The following COL15A1 variants were observed in gnomAD, a reference collection of about 807,000 sequenced individuals.
COL15A1 encodes collagen alpha-1(XV) chain.
Under a neutral mutation model 165.9 loss-of-function variants are expected in COL15A1, and 111 were observed. The ratio of observed to expected loss-of-function variants is 0.67; its 90% CI spans 0.57 to 0.78. The LOEUF (loss-of-function observed/expected upper bound fraction) is 0.78, where lower values mean the gene tolerates loss of function less well. Among genes scored for constraint, COL15A1 ranks in the 30% least tolerant of loss-of-function variants. COL15A1 has a pLI of 0.00. For missense variants in COL15A1, 1,745 were observed against 1,789.7 expected (o/e 0.98, Z 0.45); for synonymous variants, 659 against 674.8 (o/e 0.98, Z 0.36).
chr9:98,987,415 C>A, intron 4 of COL15A1, 47 bp downstream of exon 4: 2 of 1,547,414 alleles, frequency 1.3e-6, no homozygotes, highest in Non-Finnish European at 1.8e-6. Context: ...CCCCAGCAGC[C>A]GCAGCCTGGG....
At chr9:99,003,736 C>A in intron 8 of COL15A1, 149 bp downstream of exon 8, 1 of 832,524 alleles carries the variant, frequency 1.2e-6, no homozygotes. Flanking sequence ...CACTAAATAG[C>A]ATTGACCCAT....
intron 35 of COL15A1, among the ~76,000 whole-genome samples, chr9:99,059,568 G>T (rs1054738345): frequency 1.3e-5 from 2 of 152,204 alleles, no homozygotes; most frequent in African/African-American, 4.8e-5. Context: ...GGACATTTTT[G>T]AATGCAAGTG....
chr9:99,052,401 A>G lies in COL15A1; in HGVS notation c.2918A>G (p.His973Arg), dbSNP rs1456905328. Residue 973 changes from histidine to arginine, a missense_variant, in exon 31 of 42, where the codon CAT (histidine) becomes CGT (arginine). Transcript: ENST00000375001. Reference protein sequence around the residue: ...PHCKMPVDTAHPGSPELITFH... With the variant: ...PHCKMPVDTARPGSPELITFH... ...CTCTCTTTCCAGGTTGATACTGCTC[A>G]TCCTGGGAGTCCAGAGCTCATCACT... The G allele has an allele frequency of 1.2e-6, 2 of 1,612,534 alleles. No homozygotes were observed. Among genetic ancestry groups the G allele is most frequent in the Admixed American group, 3.3e-5 (2 of 59,998 alleles).
intron 2 of COL15A1, among the ~76,000 whole-genome samples, chr9:98,959,713 C>G (rs1837837160): frequency 1.3e-5 from 2 of 152,236 alleles, no homozygotes; most frequent in African/African-American, 4.8e-5. Context: ...TGGGTTGCTA[C>G]AGCAGCTCCC....
At chr9:98,966,733 A>C (rs1837963763) in intron 2 of COL15A1, among the ~76,000 whole-genome samples, 1 of 145,928 alleles carries the variant, frequency 6.9e-6, no homozygotes, top group Admixed American at 6.8e-5. Context: ...CCTCCTGCTT[A>C]GGGAGAGGGG....
chr9:99,036,529 A>G, intron 21 of COL15A1, 133 bp downstream of exon 21: 1 of 755,412 alleles, frequency 1.3e-6, no homozygotes, highest in Non-Finnish European at 2.1e-6. Flanking sequence ...TAGAACTTCC[A>G]CCTGCCAGCA....
chr9:99,021,960 C>T, intron 12 of COL15A1, 131 bp from the exon 13 acceptor site: 1 of 1,268,836 alleles, frequency 7.9e-7, no homozygotes, highest in Non-Finnish European at 1.1e-6. Context: ...TAAGCTGTCT[C>T]TGCAAAGGAC....
intron 9 of COL15A1, among the ~76,000 whole-genome samples, chr9:99,006,531 G>A (rs1838765469): frequency 6.6e-6 from 1 of 152,228 alleles, no homozygotes; most frequent in Non-Finnish European, 1.5e-5. Flanking sequence ...AGTGTGGCTG[G>A]GGGTGGAGGT....
chr9:99,044,917 G>A lies in COL15A1; in HGVS notation c.2679+147G>A, dbSNP rs2119085240. The stretch of plus-strand genomic sequence containing the variant: ...AATGTGCATATACTAGGGTAAGGCT[G>A]ACTACAATTAAATAAACTTTTCAGT... On this transcript the variant is annotated intron_variant, in intron 26 of 41. Transcript: ENST00000375001. 4 of 732,760 alleles carry A rather than the reference G, an allele frequency of 5.5e-6. No homozygotes were observed. The East Asian group carries it at 1.1e-4, about 20-fold the overall frequency. The allele number at this position is 732,760 out of a possible 1,614,324, so 45.4% of individuals were successfully genotyped here. A position where few individuals can be genotyped will look rare whatever the true frequency, so the allele number is the denominator to read the frequency against.
At chr9:99,042,969 G>A (rs975751070) in intron 24 of COL15A1, among the ~76,000 whole-genome samples, 48 of 152,262 alleles carry the variant, frequency 3.2e-4, no homozygotes, top group African/African-American at 1.1e-3. Context: ...TGTGCTAGGC[G>A]TAGGGATATA....
chr9:99,018,279 T>A (rs1449740296), intron 11 of COL15A1, among the ~76,000 whole-genome samples: 1 of 152,236 alleles, frequency 6.6e-6, no homozygotes, highest in Non-Finnish European at 1.5e-5. Flanking sequence ...AATCTCTAAT[T>A]GTCTCCCGCC....
In COL15A1 at chr9:98,985,684, A is replaced by C; in HGVS notation, c.220A>C (p.Asn74His). The C allele has an allele frequency of 3.1e-6, 5 of 1,614,206 alleles. No homozygotes were observed. Among genetic ancestry groups the C allele is most frequent in the Non-Finnish European group, 4.2e-6 (5 of 1,180,040 alleles). ...FPAYSFGPGA[N>H]VGRPARTLIP... Reference sequence around the variant, plus strand: ...GGCCTACAGTTTCGGGCCTGGTGCCAATGTTGGCCGCCCAGCCAGGACTCT... The same window carrying C: ...GGCCTACAGTTTCGGGCCTGGTGCCCATGTTGGCCGCCCAGCCAGGACTCT... The change falls in exon 3 of 42, where the codon AAT (asparagine) becomes CAT (histidine). Residue 74 changes from asparagine to histidine, a missense_variant. Asn to His is a moderately conservative substitution (Grantham distance 68). Coordinates refer to ENST00000375001, the MANE Select transcript of COL15A1 (RefSeq NM_001855.5).
intron 9 of COL15A1, among the ~76,000 whole-genome samples, chr9:99,008,457 G>A (rs1408679872): frequency 6.6e-6 from 1 of 152,134 alleles, no homozygotes; most frequent in Non-Finnish European, 1.5e-5. Flanking sequence ...AATAACCAGT[G>A]TCTCCAGCTG....
At chr9:98,966,020 G>A (rs1213656853) in intron 2 of COL15A1, among the ~76,000 whole-genome samples, 2 of 152,182 alleles carry the variant, frequency 1.3e-5, no homozygotes, top group Non-Finnish European at 2.9e-5. Flanking sequence ...TCCAGACAGG[G>A]TTGGAAAGTG....
chr9:99,060,233 T>TA, intron 36 of COL15A1, among the ~76,000 whole-genome samples: 11 of 93,726 alleles, frequency 1.2e-4, no homozygotes, highest in African/African-American at 3.9e-4. Flanking sequence ...CTTATATATT[T>TA]TTATATATAT....
At chr9:99,008,141 C>T (rs796138415) in intron 9 of COL15A1, among the ~76,000 whole-genome samples, 2 of 151,908 alleles carry the variant, frequency 1.3e-5, no homozygotes, top group African/African-American at 4.8e-5. Context: ...ATTGACTTTG[C>T]TGGAGCTTTA....
intron 2 of COL15A1, among the ~76,000 whole-genome samples, chr9:98,973,205 C>T (rs143020202): frequency 3.3e-5 from 5 of 151,400 alleles, no homozygotes; most frequent in Middle Eastern, 3.4e-3. Flanking sequence ...GTCAGAGGCT[C>T]GAGAAAGCAA....
chr9:98,951,733 T>C (rs371764310), intron 2 of COL15A1, among the ~76,000 whole-genome samples: 1 of 144,378 alleles, frequency 6.9e-6, no homozygotes, highest in Non-Finnish European at 1.5e-5. Context: ...AATTTAAAAA[T>C]TTTTTGTAGG....
intron 2 of COL15A1, among the ~76,000 whole-genome samples, chr9:98,964,137 C>T (rs79908236): frequency 0.02 from 3,112 of 152,322 alleles, 153 homozygotes; most frequent in East Asian, 0.11. Flanking sequence ...TCAAATTCCA[C>T]GTCCTTTGCC....
Sources: gnomAD v4.1 joint callset for allele counts (sites outside exome capture counted in the v4.1 genomes callset) on GRCh38, gnomAD v4.1.1 for gene constraint, MANE v1.5 for transcripts, NCBI Gene and HGNC (gene_info 2026-07-23, HGNC 2026-07-21) for gene names.